The following MAGI2 variants were observed in gnomAD, a reference collection of about 807,000 sequenced individuals.
The protein encoded by MAGI2 is membrane-associated guanylate kinase, WW and PDZ domain-containing protein 2.
In MAGI2, 35 loss-of-function variants were observed where a neutral mutation model predicts 133.3. That is an observed-to-expected ratio of 0.26 (90% CI 0.20 to 0.35). MAGI2 has a LOEUF of 0.35. Among genes scored for constraint, MAGI2 ranks in the 10% least tolerant of loss-of-function variants. The probability of loss-of-function intolerance (pLI) is 1.00; values close to 1 mark genes in which losing one functional copy is unlikely to be tolerated. For missense variants in MAGI2, 1,636 were observed against 1,863.4 expected (o/e 0.88, Z 2.25); for synonymous variants, 729 against 710.6 (o/e 1.03, Z -0.41).
chr7:78,058,003 A>ATATATATATATATATGTGTGTG, intron 21 of MAGI2, among the ~76,000 whole-genome samples: 1 of 117,028 alleles, frequency 8.5e-6, no homozygotes. Context: ...ATATATATAT[A>ATATATATATATATATGTGTGTG]TGTATGAGAA....
intron 9 of MAGI2, among the ~76,000 whole-genome samples, chr7:78,263,106 CAGTT>C (rs539658248): frequency 6.3e-4 from 96 of 152,264 alleles, no homozygotes; most frequent in African/African-American, 2.1e-3. Flanking sequence ...TGTGTTAACT[CAGTT>C]AGGGTTACAG....
intron 2 of MAGI2, among the ~76,000 whole-genome samples, chr7:78,905,575 T>C (rs1015699985): frequency 1.3e-5 from 2 of 152,234 alleles, no homozygotes; most frequent in African/African-American, 4.8e-5. Context: ...TGTTGTTTCT[T>C]CTGCCTAGAG....
At chr7:79,125,390 G>T in intron 1 of MAGI2, 1 of 480,252 alleles carries the variant, frequency 2.1e-6, no homozygotes, top group Non-Finnish European at 4.1e-6. Context: ...GGTCATGGAG[G>T]AAACCTCAGG....
chr7:79,403,729 C>G (rs1189362348), intron 1 of MAGI2, among the ~76,000 whole-genome samples: 3 of 152,182 alleles, frequency 2.0e-5, no homozygotes, highest in Middle Eastern at 3.4e-3. Flanking sequence ...TTAATCTAGT[C>G]AACTTAAAAA....
At chr7:79,233,242 G>A (rs1468233990) in intron 1 of MAGI2, among the ~76,000 whole-genome samples, 12 of 133,330 alleles carry the variant, frequency 9.0e-5, no homozygotes, top group South Asian at 5.5e-4. Flanking sequence ...AATAGGTGTG[G>A]TGTGGTGCTG....
intron 9 of MAGI2, among the ~76,000 whole-genome samples, chr7:78,336,342 C>T (rs1254644922): frequency 6.6e-6 from 1 of 152,174 alleles, no homozygotes; most frequent in Non-Finnish European, 1.5e-5. Context: ...TGTGCCCTTA[C>T]TTTCAGAAGC....
intron 2 of MAGI2, among the ~76,000 whole-genome samples, chr7:78,728,581 T>TTTTTTTTTTTTTTTG (rs1563419564): frequency 1.7e-5 from 1 of 59,202 alleles, no homozygotes; most frequent in African/African-American, 7.6e-5. Context: ...TTTTTTTTTT[T>TTTTTTTTTTTTTTTG]TTGAGACGGA....
At chr7:78,805,209 A>G (rs1788469877) in intron 2 of MAGI2, among the ~76,000 whole-genome samples, 10 of 151,810 alleles carry the variant, frequency 6.6e-5, no homozygotes. Flanking sequence ...ATTTTGTATT[A>G]AATGCATTTA....
At chr7:78,706,690 A>G (rs529271218) in intron 2 of MAGI2, among the ~76,000 whole-genome samples, 5 of 152,094 alleles carry the variant, frequency 3.3e-5, no homozygotes, top group Non-Finnish European at 7.4e-5. Context: ...ATCGACTCCT[A>G]TATTCAAACT....
At chr7:78,062,380 A>C (rs1263986498) in intron 21 of MAGI2, among the ~76,000 whole-genome samples, 1 of 152,174 alleles carries the variant, frequency 6.6e-6, no homozygotes, top group East Asian at 1.9e-4. Context: ...AATCCACACA[A>C]AGCCATCATG....
At chr7:78,413,631 G>C (rs1236491173) in intron 6 of MAGI2, among the ~76,000 whole-genome samples, 1 of 152,138 alleles carries the variant, frequency 6.6e-6, no homozygotes, top group East Asian at 1.9e-4. Flanking sequence ...GAGTGAATGA[G>C]GAGATCTTGG....
chr7:78,724,984 T>A (rs10233033), intron 2 of MAGI2, among the ~76,000 whole-genome samples: 1 of 152,050 alleles, frequency 6.6e-6, no homozygotes, highest in Non-Finnish European at 1.5e-5. Flanking sequence ...AAGAAAAAAA[T>A]AGAGGAACTA....
intron 5 of MAGI2, among the ~76,000 whole-genome samples, chr7:78,495,691 T>G (rs1291718853): frequency 6.6e-6 from 1 of 152,224 alleles, no homozygotes; most frequent in African/African-American, 2.4e-5. Context: ...TAAATAATTT[T>G]CCTACAATTT....
intron 1 of MAGI2, among the ~76,000 whole-genome samples, chr7:79,053,897 G>T (rs897352759): frequency 6.6e-6 from 1 of 152,050 alleles, no homozygotes; most frequent in Admixed American, 6.6e-5. Flanking sequence ...AATTTTTTGT[G>T]TTATAAATAT....
At chr7:78,878,433 T>C (rs1795590920) in intron 2 of MAGI2, among the ~76,000 whole-genome samples, 1 of 152,200 alleles carries the variant, frequency 6.6e-6, no homozygotes, top group African/African-American at 2.4e-5. Context: ...ATCCCTAATG[T>C]GTTTCTCAAT....
chr7:78,387,024 T>C (rs1278891980), intron 6 of MAGI2, among the ~76,000 whole-genome samples: 2 of 152,240 alleles, frequency 1.3e-5, no homozygotes, highest in Non-Finnish European at 2.9e-5. Context: ...TTTTCAGAAT[T>C]AACCCTGATA....
intron 2 of MAGI2, among the ~76,000 whole-genome samples, chr7:78,776,779 G>A (rs1055875297): frequency 1.3e-5 from 2 of 152,134 alleles, no homozygotes; most frequent in Admixed American, 6.5e-5. Flanking sequence ...TATGATGGTC[G>A]CATTTTTGCA....
chr7:78,282,558 A>G (rs1037674464), intron 9 of MAGI2, among the ~76,000 whole-genome samples: 1 of 151,692 alleles, frequency 6.6e-6, no homozygotes, highest in Admixed American at 6.6e-5. Flanking sequence ...TTTTCCAGGA[A>G]ATGTTTGCTG....
intron 10 of MAGI2, among the ~76,000 whole-genome samples, chr7:78,213,658 G>A (rs898839735): frequency 2.9e-4 from 44 of 152,156 alleles, no homozygotes; most frequent in African/African-American, 9.9e-4. Context: ...TGTTCGAATC[G>A]TGTTCAAATC....
Sources: gnomAD v4.1 joint callset for allele counts (sites outside exome capture counted in the v4.1 genomes callset) on GRCh38, gnomAD v4.1.1 for gene constraint, MANE v1.5 for transcripts, NCBI Gene and HGNC (gene_info 2026-07-23, HGNC 2026-07-21) for gene names.